TMEM117: variants seen among roughly 807,000 people sequenced by gnomAD.
TMEM117 encodes transmembrane protein 117.
Under a neutral mutation model 52.4 loss-of-function variants are expected in TMEM117, and 27 were observed. The ratio of observed to expected loss-of-function variants is 0.51; its 90% CI spans 0.38 to 0.71. TMEM117 has a LOEUF of 0.71. Ranked by LOEUF, TMEM117 falls within the 30% of genes least tolerant of loss-of-function variation. TMEM117 has a pLI of 0.00. For synonymous variants in TMEM117, 215 were observed against 206.3 expected (o/e 1.04, Z -0.36); for missense variants, 556 against 630.5 (o/e 0.88, Z 1.26).
rs28803236 is a variant in TMEM117, at chr12:44,111,724, C to T, written c.411-31801C>T. Among the ~76,000 whole-genome samples the T allele has an allele frequency of 8.6e-3, 1,139 of 132,978 alleles. 11 individuals are homozygous for T. Among genetic ancestry groups the T allele is most frequent in the African/African-American group, 0.037 (995 of 27,244 alleles). 87.2% of individuals were successfully genotyped at this position (132,978 alleles called of 152,430 possible). A position where few individuals can be genotyped will look rare whatever the true frequency, so the allele number is the denominator to read the frequency against. ...GAGTTCTGTAGATGTCTATTAGGTCCGCTTGGTGCAGAGCTGAGTTCAATT... is the reference window on the plus strand; with the variant it reads ...GAGTTCTGTAGATGTCTATTAGGTCTGCTTGGTGCAGAGCTGAGTTCAATT... On this transcript the variant is annotated intron_variant, in intron 3 of 7. Transcript: ENST00000266534.
chr12:43,915,874 G>A (rs1944593737), intron 2 of TMEM117, among the ~76,000 whole-genome samples: 1 of 152,030 alleles, frequency 6.6e-6, no homozygotes, highest in Non-Finnish European at 1.5e-5. Flanking sequence ...GGGAGGCTAT[G>A]ACCACATTTC....
At chr12:44,092,444 G>A (rs997712792) in intron 3 of TMEM117, among the ~76,000 whole-genome samples, 1 of 152,142 alleles carries the variant, frequency 6.6e-6, no homozygotes, top group African/African-American at 2.4e-5. Context: ...TAAGTGCAGT[G>A]CAGTGAGATC....
At chr12:44,176,162 A>T (rs1241516703) in intron 4 of TMEM117, among the ~76,000 whole-genome samples, 1 of 152,214 alleles carries the variant, frequency 6.6e-6, no homozygotes, top group East Asian at 1.9e-4. Flanking sequence ...ATGAAGAATA[A>T]CACCATCTAC....
chr12:43,886,641 A>C (rs1592334284), intron 2 of TMEM117, among the ~76,000 whole-genome samples: 1 of 152,174 alleles, frequency 6.6e-6, no homozygotes, highest in East Asian at 1.9e-4. Flanking sequence ...TTAACTTTTA[A>C]GTTCAGGGGT....
chr12:44,231,776 C>T lies in TMEM117; in HGVS notation c.608+20389C>T, dbSNP rs932904775. Among the ~76,000 whole-genome samples the T allele has an allele frequency of 4.6e-5, 7 of 151,768 alleles. 1 individual carries two copies. The highest frequency in any genetic ancestry group is 1.7e-4 in the African/African-American group (7 of 41,498). ...CTGTTCAAGTTTCTTGCCCATGTTT[C>T]CATTGGTTTATATGTATTTTCATAA... On this transcript the variant is annotated intron_variant, in intron 5 of 7. Transcript: ENST00000266534.
chr12:44,189,396 T>C lies in TMEM117; in HGVS notation c.511-21894T>C, dbSNP rs543539887. 8.5e-5 allele frequency among the ~76,000 whole-genome samples: 13 copies of C among 152,320 alleles called. 1 individual carries two copies. In the East Asian group the frequency reaches 2.5e-3, roughly 29 times the overall value. On this transcript the variant is annotated intron_variant, in intron 4 of 7. Coordinates refer to ENST00000266534, the MANE Select transcript of TMEM117 (RefSeq NM_032256.3). ...CACAGTGAAAAAGAATATAAAGATA[T>C]GTGAGAATGGCTTTGAGAAGCTAGA...
chr12:44,074,578 C>T (rs1947352493), intron 3 of TMEM117, among the ~76,000 whole-genome samples: 1 of 152,130 alleles, frequency 6.6e-6, no homozygotes, highest in African/African-American at 2.4e-5. Flanking sequence ...AGATACATAA[C>T]TTCCGTAAGG....
chr12:43,996,688 T>C (rs1384459780), intron 3 of TMEM117, among the ~76,000 whole-genome samples: 1 of 145,694 alleles, frequency 6.9e-6, no homozygotes, highest in East Asian at 2.1e-4. Context: ...GGAATGTCTG[T>C]GGGATTTTCT....
At chr12:44,003,529 T>C (rs754319680) in intron 3 of TMEM117, among the ~76,000 whole-genome samples, 1 of 152,180 alleles carries the variant, frequency 6.6e-6, no homozygotes, top group East Asian at 1.9e-4. Flanking sequence ...GACTGAAATA[T>C]GAACCCACAC....
chr12:44,087,074 TATG>T (rs2138031227), intron 3 of TMEM117, among the ~76,000 whole-genome samples: 1 of 149,392 alleles, frequency 6.7e-6, no homozygotes, highest in African/African-American at 2.4e-5. Context: ...AGCCAAAGAG[TATG>T]ATGCCTTTTT....
At chr12:44,081,856 A>G (rs17094057) in intron 3 of TMEM117, among the ~76,000 whole-genome samples, 1 of 152,058 alleles carries the variant, frequency 6.6e-6, no homozygotes, top group Non-Finnish European at 1.5e-5. Context: ...GCATAATTTA[A>G]TGTCACATAT....
At chr12:44,045,969 G>A (rs533913286) in intron 3 of TMEM117, among the ~76,000 whole-genome samples, 1 of 152,214 alleles carries the variant, frequency 6.6e-6, no homozygotes, top group South Asian at 2.1e-4. Context: ...GGCCTTTGAG[G>A]TCAGAATTAC....
chr12:44,000,241 C>T (rs920014831), intron 3 of TMEM117, among the ~76,000 whole-genome samples: 17 of 152,168 alleles, frequency 1.1e-4, no homozygotes, highest in Admixed American at 2.6e-4. Context: ...GAAAGGAAGG[C>T]AGGAGAGAAC....
At chr12:44,060,141 T>C (rs1023838244) in intron 3 of TMEM117, among the ~76,000 whole-genome samples, 4 of 152,198 alleles carry the variant, frequency 2.6e-5, no homozygotes, top group African/African-American at 4.8e-5. Flanking sequence ...GGAAGATTAG[T>C]GAAAGCTGCT....
intron 3 of TMEM117, among the ~76,000 whole-genome samples, chr12:44,117,225 A>G (rs1198654009): frequency 3.3e-5 from 5 of 151,960 alleles, no homozygotes; most frequent in African/African-American, 7.3e-5. Flanking sequence ...TTTTGCATAT[A>G]TTGTTTCTTC....
At chr12:44,150,509 C>T (rs73290225) in intron 4 of TMEM117, among the ~76,000 whole-genome samples, 4,644 of 152,094 alleles carry the variant, frequency 0.031, 160 homozygotes, top group African/African-American at 0.083. Context: ...GTGGCACCCA[C>T]ACTTGCCAAA....
chr12:43,993,309 T>C (rs1454670941), intron 3 of TMEM117, among the ~76,000 whole-genome samples: 1 of 152,190 alleles, frequency 6.6e-6, no homozygotes, highest in African/African-American at 2.4e-5. Context: ...AATTTTATAG[T>C]ATGAAATGTG....
chr12:44,199,116 C>G (rs1206412233), intron 4 of TMEM117, among the ~76,000 whole-genome samples: 3 of 152,126 alleles, frequency 2.0e-5, no homozygotes, highest in African/African-American at 4.8e-5. Flanking sequence ...TCACTCCTAG[C>G]CAGTGCTCAT....
At chr12:43,804,982 G>A in the TMEM117 span, among the ~76,000 whole-genome samples, 1 of 152,126 alleles carries the variant, frequency 6.6e-6, no homozygotes, top group Non-Finnish European at 1.5e-5. Flanking sequence ...TTCACTTTCT[G>A]TATTTTCCCG....
Sources: allele counts gnomAD v4.1 joint callset (sites outside exome capture counted in the v4.1 genomes callset), GRCh38; gene constraint gnomAD v4.1.1; transcripts MANE v1.5; gene names NCBI Gene and HGNC (gene_info 2026-07-23, HGNC 2026-07-21).